The following MAP3K20 variants were observed in gnomAD, a reference collection of about 807,000 sequenced individuals.
MAP3K20 encodes the protein HCCS-4.
MAP3K20 carries 40 observed loss-of-function variants against 85.7 expected under a neutral mutation model. The ratio of observed to expected loss-of-function variants is 0.47; its 90% CI spans 0.36 to 0.61. The LOEUF is 0.61. MAP3K20 is among the 20% of genes least tolerant of loss of function. MAP3K20 has a pLI of 0.00. For synonymous variants in MAP3K20, 325 were observed against 327.7 expected (o/e 0.99, Z 0.09); for missense variants, 817 against 961.7 (o/e 0.85, Z 1.99).
At chr2:173,231,345 C>T (rs1018942888) in intron 12 of MAP3K20, among the ~76,000 whole-genome samples, 2 of 152,204 alleles carry the variant, frequency 1.3e-5, no homozygotes, top group Non-Finnish European at 2.9e-5. Context: ...CTATTTCTTC[C>T]CATTCACTGA....
At chr2:173,170,792 C>T (rs533245243) in intron 3 of MAP3K20, among the ~76,000 whole-genome samples, 9 of 152,144 alleles carry the variant, frequency 5.9e-5, no homozygotes, top group Non-Finnish European at 1.3e-4. Flanking sequence ...TAGTAAGAAA[C>T]TACATCTCTA....
At chr2:173,122,442 C>T (rs979669092) in intron 2 of MAP3K20, among the ~76,000 whole-genome samples, 2 of 152,198 alleles carry the variant, frequency 1.3e-5, no homozygotes, top group African/African-American at 4.8e-5. Flanking sequence ...TTCTTTCCCC[C>T]TGTGCACTGT....
chr2:173,137,598 C>T (rs1688833332), intron 2 of MAP3K20, among the ~76,000 whole-genome samples: 1 of 151,952 alleles, frequency 6.6e-6, no homozygotes, highest in African/African-American at 2.4e-5. Context: ...TTCTCTCCCT[C>T]TCTTTTTTTC....
chr2:173,136,402 A>G (rs902827090), intron 2 of MAP3K20, among the ~76,000 whole-genome samples: 5 of 152,232 alleles, frequency 3.3e-5, no homozygotes, highest in African/African-American at 1.2e-4. Flanking sequence ...AAACATGAAA[A>G]TTAGAATTCT....
chr2:173,205,201 A>G (rs1250777060), intron 9 of MAP3K20, among the ~76,000 whole-genome samples: 1 of 151,954 alleles, frequency 6.6e-6, no homozygotes, highest in African/African-American at 2.4e-5. Context: ...AAGGAACAAA[A>G]GTTTTATAGT....
chr2:173,077,662 GATA>G (rs1389023026), intron 1 of MAP3K20, among the ~76,000 whole-genome samples: 1 of 152,152 alleles, frequency 6.6e-6, no homozygotes, highest in Non-Finnish European at 1.5e-5. Flanking sequence ...AAAATTTAGT[GATA>G]ATAATTCCAG....
At chr2:173,093,635 A>C (rs1687366501) in intron 2 of MAP3K20, among the ~76,000 whole-genome samples, 1 of 152,198 alleles carries the variant, frequency 6.6e-6, no homozygotes, top group African/African-American at 2.4e-5. Flanking sequence ...TATTTAAAAA[A>C]ATTTTTATAT....
intron 11 of MAP3K20, 151 bp downstream of exon 11, chr2:173,217,401 C>G (rs1469950533): frequency 1.2e-6 from 1 of 868,902 alleles, no homozygotes; most frequent in African/African-American, 1.7e-5. Context: ...CGTGTGGACT[C>G]AAGCAGCGTT....
intron 16 of MAP3K20, among the ~76,000 whole-genome samples, chr2:173,244,871 A>G (rs1221165816): frequency 6.6e-6 from 1 of 152,332 alleles, no homozygotes; most frequent in Non-Finnish European, 1.5e-5. Context: ...AACCCTCTTC[A>G]TGGGAAAGGT....
intron 7 of MAP3K20, among the ~76,000 whole-genome samples, chr2:173,197,011 G>A (rs1353390750): frequency 2.0e-5 from 3 of 151,904 alleles, no homozygotes; most frequent in Non-Finnish European, 2.9e-5. Context: ...AGGGTAAGAT[G>A]TATCCAGTAG....
intron 2 of MAP3K20, among the ~76,000 whole-genome samples, chr2:173,132,623 A>C (rs77114302): frequency 0.02 from 3,069 of 152,256 alleles, 55 homozygotes; most frequent in Admixed American, 0.041. Flanking sequence ...TGCTTTTTGT[A>C]AGCTTTTCCC....
intron 1 of MAP3K20, among the ~76,000 whole-genome samples, chr2:173,077,406 G>A (rs114723323): frequency 0.015 from 2,267 of 148,970 alleles, 58 homozygotes; most frequent in African/African-American, 0.052. Context: ...AAAAGTGATG[G>A]CTGCATTTTA....
At chr2:173,196,512 A>G (rs1690845929) in intron 7 of MAP3K20, among the ~76,000 whole-genome samples, 1 of 152,182 alleles carries the variant, frequency 6.6e-6, no homozygotes, top group Admixed American at 6.5e-5. Flanking sequence ...TTAAAAGCCC[A>G]AAGAGGCTTC....
chr2:173,112,706 GT>G (rs1381595985), intron 2 of MAP3K20, among the ~76,000 whole-genome samples: 1 of 151,998 alleles, frequency 6.6e-6, no homozygotes, highest in East Asian at 1.9e-4. Flanking sequence ...TGTTTATGTG[GT>G]GTATCACATT....
Position 173,266,195 on chromosome 2 carries a change from A to G in MAP3K20, c.1848A>G (p.Arg616=). 1 of 1,613,996 alleles carries G rather than the reference A, an allele frequency of 6.2e-7. No individual in the cohort carries two copies. Among genetic ancestry groups the G allele is most frequent in the South Asian group, 1.1e-5 (1 of 91,068 alleles). Residue 616 remains arginine (R), a synonymous_variant, in exon 20 of 20, where the codon AGA becomes AGG. Coordinates refer to ENST00000375213, the MANE Select transcript of MAP3K20 (RefSeq NM_016653.3). ...AGGATTCCTACGCTGCTGCTGTGAG[A>G]CGGCCCCAGGTGCCCATTAAGTATC... ...DGQDSYAAAV[R]RPQVPIKYQQ...
intron 19 of MAP3K20, 85 bp from the exon 20 acceptor site, chr2:173,265,965 C>A: frequency 7.2e-7 from 1 of 1,384,336 alleles, no homozygotes. Flanking sequence ...CCCAAACAGC[C>A]CTGAATTATC....
At chr2:173,135,386 A>G (rs141015560) in intron 2 of MAP3K20, among the ~76,000 whole-genome samples, 14 of 152,342 alleles carry the variant, frequency 9.2e-5, no homozygotes, top group African/African-American at 3.4e-4. Context: ...ATTTCAACAG[A>G]TTAGAGCAGT....
chr2:173,247,461 G>C (rs1231260868), intron 16 of MAP3K20, among the ~76,000 whole-genome samples: 2 of 152,096 alleles, frequency 1.3e-5, no homozygotes, highest in Non-Finnish European at 2.9e-5. Context: ...CAGAAGAGCA[G>C]AAAGCAGCAC....
At chr2:173,118,447 A>G (rs139251291) in intron 2 of MAP3K20, among the ~76,000 whole-genome samples, 17 of 152,190 alleles carry the variant, frequency 1.1e-4, no homozygotes, top group South Asian at 2.1e-4. Context: ...AAACTGTAAC[A>G]TATAAATATT....
Sources: allele counts gnomAD v4.1 joint callset (sites outside exome capture counted in the v4.1 genomes callset), GRCh38; gene constraint gnomAD v4.1.1; transcripts MANE v1.5; gene names NCBI Gene and HGNC (gene_info 2026-07-23, HGNC 2026-07-21).